CAMK2D: variants seen among roughly 807,000 people sequenced by gnomAD.
CAMK2D encodes calcium/calmodulin dependent protein kinase II delta, also known as calcium/calmodulin-dependent protein kinase type II subunit delta.
CAMK2D carries 37 observed loss-of-function variants against 84.0 expected under a neutral mutation model. The observed-to-expected ratio is 0.44, with a 90% CI of 0.34 to 0.58. The LOEUF (loss-of-function observed/expected upper bound fraction) is 0.58, where lower values mean the gene tolerates loss of function less well. Ranked by LOEUF, CAMK2D falls within the 20% of genes least tolerant of loss-of-function variation. The pLI, the probability that CAMK2D is intolerant of heterozygous loss-of-function variation, is 0.02. For missense variants in CAMK2D, 448 were observed against 652.5 expected, an observed-to-expected ratio of 0.69 and a Z score of 3.41; for synonymous variants, 202 against 212.5, an observed-to-expected ratio of 0.95 and a Z score of 0.43.
Position 113,740,456 on chromosome 4 carries a change from T to C in CAMK2D, c.160+18864A>G, listed in dbSNP as rs532114891. On this transcript the variant is annotated intron_variant, in intron 2 of 20. Coordinates refer to ENST00000511664, the MANE Select transcript of CAMK2D (RefSeq NM_001321571.2). The stretch of plus-strand genomic sequence containing the variant: ...AAAACCTATAGAGACAGAAAATAGA[T>C]GAGTGGTTGCCTGGGTTTGAGGGAG... 2.7e-4 allele frequency among the ~76,000 whole-genome samples: 41 copies of C among 152,122 alleles called. No homozygotes were observed. In the South Asian group the frequency reaches 6.2e-3, roughly 23 times the overall value.
intron 4 of CAMK2D, among the ~76,000 whole-genome samples, chr4:113,583,819 T>C (rs1472128923): frequency 6.6e-6 from 1 of 152,206 alleles, no homozygotes; most frequent in Non-Finnish European, 1.5e-5. Context: ...TCAGCATCTT[T>C]CATGTAGATT....
At chr4:113,547,740 T>G (rs140795566) in intron 5 of CAMK2D, 24 bp from the exon 6 acceptor site, 3 of 1,498,710 alleles carry the variant, frequency 2.0e-6, no homozygotes, top group Non-Finnish European at 1.8e-6. Flanking sequence ...CCAGGGGGCG[T>G]GTGTTAGTTC....
At chr4:113,645,028 G>GT (rs948769751) in intron 3 of CAMK2D, among the ~76,000 whole-genome samples, 2 of 151,862 alleles carry the variant, frequency 1.3e-5, no homozygotes, top group Non-Finnish European at 2.9e-5. Context: ...TTTTGTTTTT[G>GT]TTTTTTGAGA....
chr4:113,691,205 T>C (rs904361084), intron 2 of CAMK2D, among the ~76,000 whole-genome samples: 3 of 152,136 alleles, frequency 2.0e-5, no homozygotes, highest in Non-Finnish European at 4.4e-5. Context: ...ATTACAACAC[T>C]TTGGCTGAAA....
chr4:113,655,320 T>A (rs2099194307), intron 3 of CAMK2D, among the ~76,000 whole-genome samples: 1 of 152,048 alleles, frequency 6.6e-6, no homozygotes, highest in South Asian at 2.1e-4. Flanking sequence ...TATGAGTGAG[T>A]GTGTTTATGC....
intron 2 of CAMK2D, among the ~76,000 whole-genome samples, chr4:113,693,806 G>C (rs2099395204): frequency 6.6e-6 from 1 of 152,066 alleles, no homozygotes; most frequent in Non-Finnish European, 1.5e-5. Context: ...GGAGATTACT[G>C]AAAGGTAATT....
intron 3 of CAMK2D, among the ~76,000 whole-genome samples, chr4:113,631,069 C>T (rs886347116): frequency 6.6e-6 from 1 of 152,156 alleles, no homozygotes; most frequent in Non-Finnish European, 1.5e-5. Flanking sequence ...CTCAGTTGTA[C>T]TAATGGAGTC....
intron 16 of CAMK2D, among the ~76,000 whole-genome samples, chr4:113,467,300 C>T (rs1468011963): frequency 6.6e-6 from 1 of 152,126 alleles, no homozygotes; most frequent in Non-Finnish European, 1.5e-5. Context: ...TTTTATGAAT[C>T]TGATCTTCAT....
chr4:113,711,627 T>C (rs1394936344), intron 2 of CAMK2D, among the ~76,000 whole-genome samples: 1 of 152,176 alleles, frequency 6.6e-6, no homozygotes, highest in Non-Finnish European at 1.5e-5. Flanking sequence ...AACATGGAAC[T>C]AGCCTTTATG....
chr4:113,680,135 T>C (rs577885185), intron 2 of CAMK2D, among the ~76,000 whole-genome samples: 42 of 152,310 alleles, frequency 2.8e-4, no homozygotes, highest in Middle Eastern at 3.4e-3. Flanking sequence ...ACAAATTTTT[T>C]CACATTATTT....
chr4:113,531,364 AG>A, intron 7 of CAMK2D, 65 bp from the exon 8 acceptor site: 1 of 839,876 alleles, frequency 1.2e-6, no homozygotes, highest in Non-Finnish European at 2.1e-6. Flanking sequence ...TGGGAAACTA[AG>A]AAAGAAAAAT....
intron 3 of CAMK2D, among the ~76,000 whole-genome samples, chr4:113,644,916 A>T (rs2099145363): frequency 6.6e-6 from 1 of 152,222 alleles, no homozygotes; most frequent in Non-Finnish European, 1.5e-5. Context: ...CTCACTGTAG[A>T]GCAGGGGTCA....
At chr4:113,736,952 C>T (rs551847209) in intron 2 of CAMK2D, among the ~76,000 whole-genome samples, 2 of 152,178 alleles carry the variant, frequency 1.3e-5, no homozygotes, top group South Asian at 2.1e-4. Context: ...TCCATCTTTC[C>T]CTTCAGGTAA....
At chr4:113,692,517 C>T (rs553234364) in intron 2 of CAMK2D, among the ~76,000 whole-genome samples, 83 of 152,072 alleles carry the variant, frequency 5.5e-4, no homozygotes, top group African/African-American at 2.0e-3. Context: ...TATATTCATG[C>T]ATACATATTC....
At chr4:113,694,847 G>C (rs1561882140) in intron 2 of CAMK2D, among the ~76,000 whole-genome samples, 1 of 152,106 alleles carries the variant, frequency 6.6e-6, no homozygotes, top group South Asian at 2.1e-4. Context: ...CTACTAATTA[G>C]CAAATTTTTT....
rs75840241 is a variant in CAMK2D at position 113,756,094 on chromosome 4, T to C, written c.160+3226A>G. Among the ~76,000 whole-genome samples, 1,388 of 152,070 alleles carry C rather than the reference T, an allele frequency of 9.1e-3. 20 individuals carry two copies. Among genetic ancestry groups the C allele is most frequent in the African/African-American group, 0.031 (1,306 of 41,526 alleles). ...ACACAAAAGGTAAGAAATTCTTCAA[T>C]TGACTCAGAGTTCCCCAAATATGGT... On this transcript the variant is annotated intron_variant, in intron 2 of 20. Coordinates refer to ENST00000511664, the MANE Select transcript of CAMK2D (RefSeq NM_001321571.2).
chr4:113,599,472 G>A (rs1055544273), intron 4 of CAMK2D, among the ~76,000 whole-genome samples: 2 of 152,096 alleles, frequency 1.3e-5, no homozygotes, highest in Non-Finnish European at 2.9e-5. Context: ...ACTCTGGTAC[G>A]TCCAGACAAT....
At chr4:113,666,825 C>T (rs1024780204) in intron 2 of CAMK2D, among the ~76,000 whole-genome samples, 2 of 152,142 alleles carry the variant, frequency 1.3e-5, no homozygotes, top group Non-Finnish European at 2.9e-5. Context: ...ACCTTGCTGG[C>T]CTTTCGGCTT....
At chr4:113,509,793 T>C (rs2098185716) in intron 12 of CAMK2D, 118 bp from the exon 13 acceptor site, 2 of 704,460 alleles carry the variant, frequency 2.8e-6, no homozygotes, top group Non-Finnish European at 5.1e-6. Flanking sequence ...GGCCAACATA[T>C]GGCAAGTTAT....
Sources: gnomAD v4.1 joint callset for allele counts (sites outside exome capture counted in the v4.1 genomes callset) on GRCh38, gnomAD v4.1.1 for gene constraint, MANE v1.5 for transcripts, NCBI Gene and HGNC (gene_info 2026-07-23, HGNC 2026-07-21) for gene names.